Variants in POU3F3 observed in about 807,000 individuals in gnomAD.
The protein encoded by POU3F3 is POU domain, class 3, transcription factor 3.
POU3F3 carries 1 observed loss-of-function variant against 8.6 expected under a neutral mutation model. That is an observed-to-expected ratio of 0.12 (90% CI 0.04 to 0.55). The LOEUF (loss-of-function observed/expected upper bound fraction) is 0.55. POU3F3 is among the 20% of genes least tolerant of loss of function. POU3F3 has a pLI of 0.91. For synonymous variants in POU3F3, 418 were observed against 327.4 expected, an observed-to-expected ratio of 1.28 and a Z score of -2.99; for missense variants, 577 against 690.7, an observed-to-expected ratio of 0.84 and a Z score of 1.84.
the POU3F3 span, among the ~76,000 whole-genome samples, chr2:104,884,985 C>T: frequency 3.9e-5 from 6 of 151,932 alleles, no homozygotes; most frequent in East Asian, 3.9e-4. Flanking sequence ...TTTGGTGGGA[C>T]GGGCAAGGAG....
At position 104,855,377 on chromosome 2, in the gene POU3F3, C is replaced by A; in HGVS notation, c.-134C>A. 1 of 175,070 alleles carries A rather than the reference C, an allele frequency of 5.7e-6. No individual in the cohort carries two copies. The highest frequency in any genetic ancestry group is 7.0e-6 in the Non-Finnish European group (1 of 143,594). The allele number at this position is 175,070 out of a possible 1,614,324, so 10.8% of individuals were successfully genotyped here. ...CGGCGGGGCCGGCGGGGGCCCGGGG[C>A]GGGGGCGGGGAAGGAGGGGGGGAGG... On this transcript the variant is annotated 5_prime_UTR_variant, in exon 1 of 1. Transcript: ENST00000361360.
chr2:104,906,857 C>T, the POU3F3 span, among the ~76,000 whole-genome samples: 5 of 152,042 alleles, frequency 3.3e-5, no homozygotes, highest in Admixed American at 6.6e-5. Context: ...TAGTTCCTTC[C>T]GCATCTGAAA....
In POU3F3 at chr2:104,856,098, A is replaced by C. The variant is rs768770377; in HGVS notation, c.588A>C (p.Ala196=). Residue 196 remains alanine, a synonymous_variant, in exon 1 of 1, where the codon GCA becomes GCC. Coordinates refer to ENST00000361360, the MANE Select transcript of POU3F3 (RefSeq NM_006236.3). ...GWGAAAAAAA[A]AAAAAAAAHL... Reference sequence around the variant, plus strand: ...GGGCGGCCGCCGCTGCCGCAGCCGCAGCCGCCGCCGCCGCCGCCGCCGCGC... The same window carrying C: ...GGGCGGCCGCCGCTGCCGCAGCCGCCGCCGCCGCCGCCGCCGCCGCCGCGC... 1.2e-3 allele frequency: 1,275 copies of C among 1,041,526 alleles called. 4 individuals carry two copies. The Middle Eastern group carries it at 0.017, about 14-fold the overall frequency. The allele number at this position is 1,041,526 out of a possible 1,614,324, so 64.5% of individuals were successfully genotyped here.
At chr2:104,915,714 T>G in the POU3F3 span, among the ~76,000 whole-genome samples, 2 of 151,448 alleles carry the variant, frequency 1.3e-5, no homozygotes, top group African/African-American at 4.9e-5. Context: ...TGCCATTTCT[T>G]TCACCAATGA....
At chr2:104,863,799 TCGGGTCC>T in the POU3F3 span, among the ~76,000 whole-genome samples, 2 of 152,136 alleles carry the variant, frequency 1.3e-5, no homozygotes, top group Non-Finnish European at 2.9e-5. Flanking sequence ...AACCTTTCGC[TCGGGTCC>T]CCATGTGCGG....
the POU3F3 span, among the ~76,000 whole-genome samples, chr2:104,918,021 A>G: frequency 6.6e-6 from 1 of 152,230 alleles, no homozygotes; most frequent in African/African-American, 2.4e-5. Flanking sequence ...CTGGGCATCC[A>G]TGTATCTAGA....
At chr2:104,875,815 C>T in the POU3F3 span, among the ~76,000 whole-genome samples, 3 of 152,156 alleles carry the variant, frequency 2.0e-5, no homozygotes, top group African/African-American at 7.2e-5. Flanking sequence ...CTCCTGGGTT[C>T]AAGCAATTCT....
At chr2:104,888,008 C>T in the POU3F3 span, among the ~76,000 whole-genome samples, 165 of 152,314 alleles carry the variant, frequency 1.1e-3, 2 homozygotes, top group African/African-American at 3.7e-3. Flanking sequence ...CTATACAGCA[C>T]GTGCTTTTAA....
chr2:104,880,645 G>A, the POU3F3 span, among the ~76,000 whole-genome samples: 8 of 152,188 alleles, frequency 5.3e-5, no homozygotes, highest in African/African-American at 1.9e-4. Context: ...ATGGATAGGT[G>A]CCAGAGCACA....
chr2:104,893,079 A>G, the POU3F3 span, among the ~76,000 whole-genome samples: 1 of 152,146 alleles, frequency 6.6e-6, no homozygotes, highest in Non-Finnish European at 1.5e-5. Context: ...AATTTTATGG[A>G]CGATTAGCAA....
chr2:104,916,034 A>G, the POU3F3 span, among the ~76,000 whole-genome samples: 2 of 59,754 alleles, frequency 3.3e-5, no homozygotes, highest in Admixed American at 3.4e-4. Flanking sequence ...AAATAAAACC[A>G]TCGGTGCCCT....
In POU3F3 at chr2:104,855,059, G is replaced by T. The variant is rs1002561816; in HGVS notation, c.-452G>T. Among the ~76,000 whole-genome samples, 2 of 151,922 alleles carry T rather than the reference G, an allele frequency of 1.3e-5. No homozygotes were observed. The highest frequency in any genetic ancestry group is 2.9e-5 in the Non-Finnish European group (2 of 67,926). On this transcript the variant is annotated 5_prime_UTR_variant, in exon 1 of 1. Transcript: ENST00000361360. Reference sequence around the variant, plus strand: ...GGGAGCCCGCGCGTCCCGGGAGAGCGCCCCGAGTGCAGGTCCCCGCCCCGC... The same window carrying T: ...GGGAGCCCGCGCGTCCCGGGAGAGCTCCCCGAGTGCAGGTCCCCGCCCCGC...
rs1435141524 is a variant in POU3F3, at chr2:104,855,286, C to A, written c.-225C>A. Among the ~76,000 whole-genome samples, 3 of 147,882 alleles carry A rather than the reference C, an allele frequency of 2.0e-5. No individual in the cohort carries two copies. Among genetic ancestry groups the A allele is most frequent in the African/African-American group, 7.3e-5 (3 of 40,888 alleles). On this transcript the variant is annotated 5_prime_UTR_variant, in exon 1 of 1. Transcript: ENST00000361360. Reference sequence around the variant, plus strand: ...TGCCGAGCGGCCTTGCAGCTGCAGCCGGGGGCCGCGGCGGCGGCGGCGGCG... The same window carrying A: ...TGCCGAGCGGCCTTGCAGCTGCAGCAGGGGGCCGCGGCGGCGGCGGCGGCG...
chr2:104,880,305 C>G, the POU3F3 span, among the ~76,000 whole-genome samples: 1 of 152,198 alleles, frequency 6.6e-6, no homozygotes, highest in Non-Finnish European at 1.5e-5. Context: ...ACAATGCCCT[C>G]TCCAACGTTA....
chr2:104,863,921 G>A, the POU3F3 span, among the ~76,000 whole-genome samples: 1 of 152,244 alleles, frequency 6.6e-6, no homozygotes, highest in South Asian at 2.1e-4. Context: ...GGCAAGGCCG[G>A]AGGCGGCCGG....
Position 104,855,028 on chromosome 2 carries a change from AG to A in POU3F3, c.-481del, listed in dbSNP as rs1410742815. On this transcript the variant is annotated 5_prime_UTR_variant, in exon 1 of 1. Coordinates refer to ENST00000361360, the MANE Select transcript of POU3F3 (RefSeq NM_006236.3). ...TCCGGGCTCGCCCGAGGACAGGAGG[AG>A]GAGCGGGAGCCCGCGCGTCCCGGGA... Among the ~76,000 whole-genome samples, 1 of 152,036 alleles carries A rather than the reference AG, an allele frequency of 6.6e-6. No homozygotes were observed. The highest frequency in any genetic ancestry group is 2.4e-5 in the African/African-American group (1 of 41,424).
the POU3F3 span, chr2:104,866,659 A>C: frequency 2.6e-5 from 4 of 152,336 alleles, no homozygotes; most frequent in African/African-American, 7.2e-5. Context: ...TCTCCAAATG[A>C]CTGTGTGCAG....
the POU3F3 span, among the ~76,000 whole-genome samples, chr2:104,918,917 G>C: frequency 2.0e-5 from 3 of 151,124 alleles, no homozygotes; most frequent in African/African-American, 7.3e-5. Flanking sequence ...TCAAGCCCAG[G>C]CTGGAGTGCA....
At chr2:104,908,606 C>T in the POU3F3 span, among the ~76,000 whole-genome samples, 14 of 152,182 alleles carry the variant, frequency 9.2e-5, no homozygotes, top group Admixed American at 9.2e-4. Flanking sequence ...TCTAATGATA[C>T]ATAAGCAGAG....
Sources: allele counts gnomAD v4.1 joint callset (sites outside exome capture counted in the v4.1 genomes callset), GRCh38; gene constraint gnomAD v4.1.1; transcripts MANE v1.5; gene names NCBI Gene and HGNC (gene_info 2026-07-23, HGNC 2026-07-21).